The following PTPN14 variants were observed in gnomAD, a reference collection of about 807,000 sequenced individuals.
The protein encoded by PTPN14 is tyrosine-protein phosphatase non-receptor type 14.
PTPN14 carries 53 observed loss-of-function variants against 126.8 expected under a neutral mutation model. The observed-to-expected ratio is 0.42, with a 90% CI of 0.34 to 0.53. The LOEUF is 0.53. Ranked by LOEUF, PTPN14 falls within the 20% of genes least tolerant of loss-of-function variation. The probability of loss-of-function intolerance (pLI) is 0.08; values close to 1 mark genes in which losing one functional copy is unlikely to be tolerated. For missense variants in PTPN14, 1,257 were observed against 1,552.9 expected (o/e 0.81, Z 3.20); for synonymous variants, 630 against 599.3 (o/e 1.05, Z -0.75).
chr1:214,541,176 A>G (rs931975906), intron 1 of PTPN14, among the ~76,000 whole-genome samples: 7 of 152,180 alleles, frequency 4.6e-5, no homozygotes, highest in Non-Finnish European at 7.3e-5. Flanking sequence ...AACATCAGAT[A>G]AAACCTCCAA....
intron 10 of PTPN14, among the ~76,000 whole-genome samples, chr1:214,392,902 G>A (rs1658791103): frequency 6.6e-6 from 1 of 152,226 alleles, no homozygotes; most frequent in Non-Finnish European, 1.5e-5. Context: ...ACTCTCGGAT[G>A]TGTCCACTGT....
chr1:214,524,400 C>T (rs1655338662), intron 1 of PTPN14, among the ~76,000 whole-genome samples: 1 of 151,438 alleles, frequency 6.6e-6, no homozygotes, highest in Non-Finnish European at 1.5e-5. Context: ...GCCTGTAATC[C>T]CAGCTACTTG....
intron 17 of PTPN14, among the ~76,000 whole-genome samples, chr1:214,367,388 C>A (rs971117697): frequency 6.6e-6 from 1 of 152,166 alleles, no homozygotes; most frequent in Admixed American, 6.5e-5. Flanking sequence ...CAAGTACCAT[C>A]GTCACTTTCA....
At chr1:214,410,133 C>CT (rs1659268614) in intron 5 of PTPN14, among the ~76,000 whole-genome samples, 1 of 152,040 alleles carries the variant, frequency 6.6e-6, no homozygotes, top group African/African-American at 2.4e-5. Flanking sequence ...TGCACAGAAG[C>CT]TTTTTAGTTT....
In PTPN14 at chr1:214,373,421, C is replaced by T. The variant is rs554695803; in HGVS notation, c.2908-582G>A. On this transcript the variant is annotated intron_variant, in intron 15 of 18. Transcript: ENST00000366956. ...GTGCCTATTAAAAACCATACACATA[C>T]ACACATGTATAGATGCATATATATG... is the stretch of plus-strand genomic sequence containing the variant. Among the ~76,000 whole-genome samples, 281 of 152,290 alleles carry T rather than the reference C, an allele frequency of 1.8e-3. 1 individual carries two copies. The highest frequency in any genetic ancestry group is 6.5e-3 in the African/African-American group (272 of 41,564).
At chr1:214,407,262 C>T (rs959695781) in intron 5 of PTPN14, among the ~76,000 whole-genome samples, 5 of 152,158 alleles carry the variant, frequency 3.3e-5, no homozygotes, top group African/African-American at 9.7e-5. Flanking sequence ...CAGTGGCTCA[C>T]GCCTGTAATC....
At chr1:214,406,512 C>A (rs544271625) in intron 5 of PTPN14, among the ~76,000 whole-genome samples, 1 of 151,404 alleles carries the variant, frequency 6.6e-6, no homozygotes, top group South Asian at 2.1e-4. Context: ...GTAGCCAATG[C>A]AATCTAGCAA....
intron 2 of PTPN14, among the ~76,000 whole-genome samples, chr1:214,459,016 CT>C (rs1660447828): frequency 2.0e-5 from 3 of 152,172 alleles, no homozygotes; most frequent in Admixed American, 2.0e-4. Context: ...CAACTTATCC[CT>C]GATTTTTCCC....
chr1:214,380,489 T>A (rs1023395835), intron 13 of PTPN14, among the ~76,000 whole-genome samples: 3 of 152,190 alleles, frequency 2.0e-5, no homozygotes, highest in African/African-American at 7.2e-5. Flanking sequence ...AACTTCTGGC[T>A]AGGGGACTAC....
rs940114416 is a variant in PTPN14 at position 214,348,737 on chromosome 1, A to C, written c.*9185T>G. On this transcript the variant is annotated 3_prime_UTR_variant, in exon 19 of 19. Coordinates refer to ENST00000366956, the MANE Select transcript of PTPN14 (RefSeq NM_005401.5). ...AAAAGGTTTATTGCATATGGAAATCAATAGATATCTTTTACAAAAAAAGGT... is the reference window on the plus strand; with the variant it reads ...AAAAGGTTTATTGCATATGGAAATCCATAGATATCTTTTACAAAAAAAGGT... 2.0e-5 allele frequency: 3 copies of C among 152,226 alleles called. No homozygotes were observed. The highest frequency in any genetic ancestry group is 4.4e-5 in the Non-Finnish European group (3 of 68,038). 9.4% of individuals were successfully genotyped at this position (152,226 alleles called of 1,614,324 possible).
intron 1 of PTPN14, among the ~76,000 whole-genome samples, chr1:214,523,168 A>AGT (rs151249249): frequency 0.021 from 3,119 of 152,088 alleles, 111 homozygotes; most frequent in African/African-American, 0.072. Context: ...TTATAGAGGC[A>AGT]GTGCCCTTGA....
intron 1 of PTPN14, among the ~76,000 whole-genome samples, chr1:214,472,023 CCAGT>C (rs1353245658): frequency 6.6e-6 from 1 of 152,204 alleles, no homozygotes; most frequent in African/African-American, 2.4e-5. Context: ...TCTCACCTCC[CCAGT>C]CAGAGTCCTG....
At chr1:214,532,490 C>A (rs901838447) in intron 1 of PTPN14, 5 of 883,120 alleles carry the variant, frequency 5.7e-6, no homozygotes, top group Admixed American at 3.4e-5. Context: ...GCCTGGAGAT[C>A]GAGAACTGGA....
At chr1:214,400,008 T>G (rs1658978876) in intron 7 of PTPN14, among the ~76,000 whole-genome samples, 1 of 149,382 alleles carries the variant, frequency 6.7e-6, no homozygotes, top group South Asian at 2.2e-4. Flanking sequence ...AGCAGGGGGT[T>G]CTTCTTCCTG....
chr1:214,399,847 T>C (rs7534466), intron 7 of PTPN14, among the ~76,000 whole-genome samples: 4,834 of 152,316 alleles, frequency 0.032, 251 homozygotes, highest in African/African-American at 0.11. Context: ...TCTTCTAACC[T>C]GTCTATTAGG....
chr1:214,534,256 G>C (rs1655638904), intron 1 of PTPN14, among the ~76,000 whole-genome samples: 1 of 152,124 alleles, frequency 6.6e-6, no homozygotes, highest in African/African-American at 2.4e-5. Flanking sequence ...CTAACCCACA[G>C]AACCTACCTT....
At position 214,354,334 on chromosome 1, in the gene PTPN14, G is replaced by A. The variant is rs1657766908; in HGVS notation, c.*3588C>T. 1 of 152,130 alleles carries A rather than the reference G, an allele frequency of 6.6e-6. No individual in the cohort carries two copies. The highest frequency in any genetic ancestry group is 1.5e-5 in the Non-Finnish European group (1 of 68,016). 9.4% of individuals were successfully genotyped at this position (152,130 alleles called of 1,614,324 possible). A position where few individuals can be genotyped will look rare whatever the true frequency, so the allele number is the denominator to read the frequency against. On this transcript the variant is annotated 3_prime_UTR_variant, in exon 19 of 19. Coordinates refer to ENST00000366956, the MANE Select transcript of PTPN14 (RefSeq NM_005401.5). ...TATTTTTACCTTCCCTGATCTTATT[G>A]TTTAGCTCCGACTGAATATTGCAGC...
chr1:214,362,223 C>T (rs1039980590), intron 18 of PTPN14, among the ~76,000 whole-genome samples: 1 of 152,210 alleles, frequency 6.6e-6, no homozygotes, highest in Non-Finnish European at 1.5e-5. Context: ...GCATTTCTCC[C>T]CGCTAACCAT....
chr1:214,360,483 A>G (rs895623473), intron 18 of PTPN14, among the ~76,000 whole-genome samples: 2 of 152,232 alleles, frequency 1.3e-5, no homozygotes, highest in East Asian at 3.8e-4. Context: ...CTCTGCCTAA[A>G]TTATATTGCA....
Sources: allele counts gnomAD v4.1 joint callset (sites outside exome capture counted in the v4.1 genomes callset), GRCh38; gene constraint gnomAD v4.1.1; transcripts MANE v1.5; gene names NCBI Gene and HGNC (gene_info 2026-07-23, HGNC 2026-07-21).